Variants in TRAPPC8 observed in about 807,000 individuals in gnomAD.
TRAPPC8 encodes the protein trafficking protein particle complex subunit 8, also known as general sporulation gene 1 homolog.
Under a neutral mutation model 174.3 loss-of-function variants are expected in TRAPPC8, and 54 were observed. That is an observed-to-expected ratio of 0.31 (90% CI 0.25 to 0.39). The LOEUF is 0.39. Ranked by LOEUF, TRAPPC8 falls within the 10% of genes least tolerant of loss-of-function variation. The pLI is 1.00. For missense variants in TRAPPC8, 1,531 were observed against 1,699.1 expected (o/e 0.90, Z 1.74); for synonymous variants, 630 against 579.9 (o/e 1.09, Z -1.24).
intron 13 of TRAPPC8, 197 bp from the exon 14 acceptor site, chr18:31,873,735 A>G (rs2035006188): frequency 2.2e-6 from 1 of 454,962 alleles, no homozygotes; most frequent in Non-Finnish European, 4.0e-6. Context: ...TTCTGCCTCA[A>G]AAGAATCTTA....
chr18:31,930,192 T>C (rs1311629245), intron 2 of TRAPPC8, among the ~76,000 whole-genome samples: 3 of 151,916 alleles, frequency 2.0e-5, no homozygotes, highest in Non-Finnish European at 4.4e-5. Context: ...CCATCTTGGC[T>C]CACTGCAACC....
At position 31,908,904 on chromosome 18, in the gene TRAPPC8, T is replaced by C; in HGVS notation, c.972A>G (p.Leu324=). The C allele has an allele frequency of 6.2e-7, 1 of 1,613,844 alleles. No individual in the cohort carries two copies. Among genetic ancestry groups the C allele is most frequent in the Non-Finnish European group, 8.5e-7 (1 of 1,179,816 alleles). The part of the protein sequence containing the change: ...GPDHLRSASS[L]HETKKGNTGI... The stretch of plus-strand genomic sequence containing the variant: ...CAGTATTTCCTTTCTTTGTTTCATG[T>C]AACGATGAAGCAGATCTTAGATGAT... Residue 324 remains leucine (L), a synonymous_variant, in exon 7 of 29, where the codon TTA becomes TTG. Coordinates refer to ENST00000283351, the MANE Select transcript of TRAPPC8 (RefSeq NM_014939.5).
chr18:31,876,823 G>C (rs2035178218), intron 12 of TRAPPC8, among the ~76,000 whole-genome samples: 1 of 152,160 alleles, frequency 6.6e-6, no homozygotes, highest in African/African-American at 2.4e-5. Flanking sequence ...ACTAACAGTG[G>C]CAGTTTGAGA....
intron 1 of TRAPPC8, chr18:31,937,615 G>A (rs2038162905): frequency 6.6e-6 from 1 of 151,444 alleles, no homozygotes; most frequent in South Asian, 2.1e-4. Flanking sequence ...ATCACACAAT[G>A]TTTTTCAAGA....
intron 12 of TRAPPC8, among the ~76,000 whole-genome samples, chr18:31,888,164 A>G (rs1266789460): frequency 2.6e-5 from 4 of 152,244 alleles, no homozygotes; most frequent in Non-Finnish European, 4.4e-5. Context: ...AGAATGCTCA[A>G]CATCACTGAT....
chr18:31,940,660 A>G (rs1481439827), intron 1 of TRAPPC8, among the ~76,000 whole-genome samples: 1 of 151,690 alleles, frequency 6.6e-6, no homozygotes, highest in Non-Finnish European at 1.5e-5. Flanking sequence ...CACCACGCCC[A>G]GCTAATTTTT....
chr18:31,885,119 A>G (rs1327041401), intron 12 of TRAPPC8, among the ~76,000 whole-genome samples: 1 of 152,184 alleles, frequency 6.6e-6, no homozygotes, highest in Non-Finnish European at 1.5e-5. Context: ...GGCCTCCCAA[A>G]GTGCTGGGAT....
intron 2 of TRAPPC8, among the ~76,000 whole-genome samples, chr18:31,924,663 G>A (rs567870501): frequency 2.2e-4 from 31 of 142,382 alleles, no homozygotes; most frequent in Admixed American, 1.1e-3. Flanking sequence ...GCTTGAACCC[G>A]GGACGTGGAG....
chr18:31,858,791 G>C (rs1302064317), intron 19 of TRAPPC8, among the ~76,000 whole-genome samples: 1 of 152,170 alleles, frequency 6.6e-6, no homozygotes, highest in Non-Finnish European at 1.5e-5. Flanking sequence ...GCATTTAAAA[G>C]ATCTTTAAGT....
intron 20 of TRAPPC8, among the ~76,000 whole-genome samples, 154 bp downstream of exon 20, chr18:31,857,386 C>G (rs1298417495): frequency 2.6e-5 from 4 of 152,120 alleles, no homozygotes; most frequent in Non-Finnish European, 5.9e-5. Context: ...CTAGAACTTA[C>G]AGTTCTATTT....
rs1352440853 is a variant in TRAPPC8, at chr18:31,890,715, T to C, written c.1728+20A>G. On this transcript the variant is annotated intron_variant, in intron 12 of 28. Coordinates refer to ENST00000283351, the MANE Select transcript of TRAPPC8 (RefSeq NM_014939.5). ...TATAAAATAAATAGCAACTTTTCAT[T>C]GTAAAGCAAATGCACTCACCTGCCC... The C allele has an allele frequency of 1.3e-6, 2 of 1,591,916 alleles. No individual in the cohort carries two copies. Among genetic ancestry groups the C allele is most frequent in the East Asian group, 2.3e-5 (1 of 44,320 alleles).
At position 31,942,726 on chromosome 18, in the gene TRAPPC8, C is replaced by T. The variant is rs746782756; in HGVS notation, c.39G>A (p.Pro13=). 6.2e-6 allele frequency: 10 copies of T among 1,604,870 alleles called. No homozygotes were observed. The South Asian group carries it at 1.0e-4, about 16-fold the overall frequency. ...CAGCGACACAGGGGACGAAGGAGTC[C>T]GGGATTAGCTCCTGCACTGATTGTA... ...QCVQSVQELI[P]DSFVPCVAAL... is the part of the protein sequence containing the mutation. The change falls in exon 1 of 29, where the codon CCG becomes CCA. Residue 13 remains proline (P), a synonymous_variant. Transcript: ENST00000283351.
rs753616105 is a variant in TRAPPC8, at chr18:31,917,566, G to A, written c.442+12C>T. On this transcript the variant is annotated intron_variant, in intron 3 of 28. Coordinates refer to ENST00000283351, the MANE Select transcript of TRAPPC8 (RefSeq NM_014939.5). ...TATTTGATTTGAGGAGAACATAAAT[G>A]TCAAAGGATACATGCTAAATAGTGG... 8.1e-6 allele frequency: 13 copies of A among 1,598,728 alleles called. No homozygotes were observed. The Middle Eastern group carries it at 5.0e-4, about 61-fold the overall frequency.
intron 27 of TRAPPC8, among the ~76,000 whole-genome samples, chr18:31,832,810 A>T (rs1246980793): frequency 2.0e-5 from 3 of 152,222 alleles, no homozygotes; most frequent in African/African-American, 7.2e-5. Flanking sequence ...CAAGAATGCA[A>T]GAAATGAATA....
At position 31,927,462 on chromosome 18, in the gene TRAPPC8, G is replaced by T. The variant is rs542196352; in HGVS notation, c.352+3867C>A. Among the ~76,000 whole-genome samples, 6 of 152,154 alleles carry T rather than the reference G, an allele frequency of 3.9e-5. No homozygotes were observed. In the South Asian group the frequency reaches 1.2e-3, roughly 32 times the overall value. ...AGTAGAGACAGGGTTTCACTGTGTT[G>T]GCCAGGCTGGTCTGGAATTCCTGAC... On this transcript the variant is annotated intron_variant, in intron 2 of 28. Coordinates refer to ENST00000283351, the MANE Select transcript of TRAPPC8 (RefSeq NM_014939.5).
At chr18:31,921,855 G>T (rs1340367648) in intron 2 of TRAPPC8, among the ~76,000 whole-genome samples, 1 of 152,104 alleles carries the variant, frequency 6.6e-6, no homozygotes, top group Admixed American at 6.6e-5. Flanking sequence ...AGAAATGAAG[G>T]GGAAATTCAA....
chr18:31,936,178 G>A (rs2038088980), intron 1 of TRAPPC8, among the ~76,000 whole-genome samples: 1 of 151,942 alleles, frequency 6.6e-6, no homozygotes, highest in African/African-American at 2.4e-5. Context: ...AAACCCTCTG[G>A]CTGGGTGTAG....
intron 24 of TRAPPC8, among the ~76,000 whole-genome samples, chr18:31,850,018 T>C (rs1237494176): frequency 6.6e-6 from 1 of 151,898 alleles, no homozygotes; most frequent in Non-Finnish European, 1.5e-5. Flanking sequence ...AGTGGTGCAA[T>C]CTCAGCTCAC....
chr18:31,857,644 G>A lies in TRAPPC8; in HGVS notation c.3084C>T (p.Ala1028=), dbSNP rs773799878. 4 of 1,613,990 alleles carry A rather than the reference G, an allele frequency of 2.5e-6. No homozygotes were observed. Among genetic ancestry groups the A allele is most frequent in the Non-Finnish European group, 3.4e-6 (4 of 1,180,028 alleles). Residue 1028 remains alanine (A), a synonymous_variant, in exon 20 of 29, where the codon GCC becomes GCT. Coordinates refer to ENST00000283351, the MANE Select transcript of TRAPPC8 (RefSeq NM_014939.5). ...PLPDTVLLPG[A]SVQLPMWLRG... ...GTAACCACATTGGCAGCTGCACTGA[G>A]GCTCCGGGTAGAAGAACAGTGTCAG...
Sources: allele counts gnomAD v4.1 joint callset (sites outside exome capture counted in the v4.1 genomes callset), GRCh38; gene constraint gnomAD v4.1.1; transcripts MANE v1.5; gene names NCBI Gene and HGNC (gene_info 2026-07-23, HGNC 2026-07-21).